WWOX: variants seen among roughly 807,000 people sequenced by gnomAD.
WWOX encodes WW domain-containing oxidoreductase.
In WWOX, 69 loss-of-function variants were observed where a neutral mutation model predicts 46.2. The observed-to-expected ratio is 1.49, with a 90% confidence interval of 1.23 to 1.82. The LOEUF (loss-of-function observed/expected upper bound fraction) is 1.82. Ranked by LOEUF, WWOX falls within the 40% of genes most tolerant of loss-of-function variation. WWOX has a pLI of 0.00. For synonymous variants in WWOX, 359 were observed against 202.6 expected, an observed-to-expected ratio of 1.77 and a Z score of -6.56; for missense variants, 919 against 542.6, an observed-to-expected ratio of 1.69 and a Z score of -6.89.
rs1355117855 is a variant in WWOX at position 78,717,567 on chromosome 16, A to G, written c.1056+284815A>G. On this transcript the variant is annotated intron_variant, in intron 8 of 8. Coordinates refer to ENST00000566780, the MANE Select transcript of WWOX (RefSeq NM_016373.4). Reference sequence around the variant, plus strand: ...TGCTCTCTTTGATGGTGGACAAAGAAGGTTTCCTGGTGGAAGAGATTAATG... The same window carrying G: ...TGCTCTCTTTGATGGTGGACAAAGAGGGTTTCCTGGTGGAAGAGATTAATG... Among the ~76,000 whole-genome samples the G allele has an allele frequency of 2.6e-5, 4 of 152,182 alleles. No homozygotes were observed. In the East Asian group the frequency reaches 7.7e-4, roughly 29 times the overall value.
chr16:79,005,438 A>G (rs547852767), intron 8 of WWOX, among the ~76,000 whole-genome samples: 1 of 152,342 alleles, frequency 6.6e-6, no homozygotes. Context: ...TTCAGTCAGC[A>G]GAACTGTATT....
intron 8 of WWOX, among the ~76,000 whole-genome samples, chr16:79,059,617 C>G (rs921908973): frequency 5.9e-5 from 9 of 152,144 alleles, no homozygotes; most frequent in African/African-American, 2.2e-4. Flanking sequence ...CAGCCTGCCT[C>G]CCAAGTAGCT....
intron 8 of WWOX, among the ~76,000 whole-genome samples, chr16:78,717,213 T>A (rs942866356): frequency 6.6e-6 from 1 of 152,200 alleles, no homozygotes; most frequent in Non-Finnish European, 1.5e-5. Context: ...GTGTGTTTTT[T>A]AAATTTAATT....
intron 8 of WWOX, among the ~76,000 whole-genome samples, chr16:78,767,234 C>T (rs1199675195): frequency 2.0e-5 from 3 of 152,108 alleles, no homozygotes; most frequent in Non-Finnish European, 2.9e-5. Context: ...GATCCTCCCA[C>T]CTCAGCCTCC....
chr16:79,082,467 T>C (rs1177314780), intron 8 of WWOX, among the ~76,000 whole-genome samples: 1 of 152,208 alleles, frequency 6.6e-6, no homozygotes, highest in African/African-American at 2.4e-5. Context: ...GAATGGCTAC[T>C]TCTCTGGCCA....
At chr16:78,732,512 T>C (rs1045425784) in intron 8 of WWOX, among the ~76,000 whole-genome samples, 1 of 152,166 alleles carries the variant, frequency 6.6e-6, no homozygotes. Context: ...CATATTCAAA[T>C]TGCTGACCCA....
At chr16:78,952,673 C>T (rs1397113575) in intron 8 of WWOX, among the ~76,000 whole-genome samples, 2 of 152,238 alleles carry the variant, frequency 1.3e-5, no homozygotes, top group East Asian at 1.9e-4. Context: ...TATGAGCCAC[C>T]ACACCTGGCC....
intron 8 of WWOX, among the ~76,000 whole-genome samples, chr16:79,081,448 GC>G (rs2048758919): frequency 6.6e-6 from 1 of 152,194 alleles, no homozygotes; most frequent in African/African-American, 2.4e-5. Flanking sequence ...ACAGGCATGA[GC>G]CTAACTATCC....
chr16:78,354,175 AC>A (rs1256695322), intron 5 of WWOX, among the ~76,000 whole-genome samples: 35 of 152,142 alleles, frequency 2.3e-4, no homozygotes, highest in African/African-American at 7.9e-4. Flanking sequence ...TTTATCAGTT[AC>A]CTTCTGTTTG....
rs553079370 is a variant in WWOX, at chr16:78,570,370, G to A, written c.1056+137618G>A. Among the ~76,000 whole-genome samples the A allele has an allele frequency of 6.6e-5, 10 of 152,258 alleles. 1 individual carries two copies. In the South Asian group the frequency reaches 1.9e-3, roughly 28 times the overall value. On this transcript the variant is annotated intron_variant, in intron 8 of 8. Transcript: ENST00000566780. ...GAGACAGGATCTGGAGTGTGGTGGTGCAATCATAACTCACTGCAGCCTCGG... is the reference window on the plus strand; with the variant it reads ...GAGACAGGATCTGGAGTGTGGTGGTACAATCATAACTCACTGCAGCCTCGG...
intron 8 of WWOX, among the ~76,000 whole-genome samples, chr16:78,673,538 A>G (rs1312616635): frequency 6.6e-6 from 1 of 152,178 alleles, no homozygotes; most frequent in African/African-American, 2.4e-5. Context: ...CTTGATTGGA[A>G]AGAGAAGCTT....
chr16:78,225,256 G>T (rs1284074888), intron 5 of WWOX, among the ~76,000 whole-genome samples: 1 of 152,112 alleles, frequency 6.6e-6, no homozygotes, highest in Admixed American at 6.5e-5. Flanking sequence ...ACATATTTGT[G>T]CATCTAAACA....
At chr16:78,280,760 C>T (rs561486017) in intron 5 of WWOX, 1 of 152,276 alleles carries the variant, frequency 6.6e-6, no homozygotes, top group East Asian at 1.9e-4. Flanking sequence ...TAAACATGCT[C>T]TTTGAAGCTG....
intron 6 of WWOX, among the ~76,000 whole-genome samples, chr16:78,398,101 A>G (rs968080202): frequency 2.6e-5 from 4 of 152,202 alleles, no homozygotes; most frequent in Admixed American, 2.0e-4. Flanking sequence ...AGACAGAAGA[A>G]GACCAAGGGG....
chr16:79,195,989 G>A (rs893886862), intron 8 of WWOX, among the ~76,000 whole-genome samples: 6 of 152,198 alleles, frequency 3.9e-5, no homozygotes, highest in Non-Finnish European at 8.8e-5. Flanking sequence ...TCTTCTGTTA[G>A]TGGGGACAAT....
chr16:78,363,396 C>G (rs535744646), intron 5 of WWOX, among the ~76,000 whole-genome samples: 2 of 151,764 alleles, frequency 1.3e-5, no homozygotes, highest in African/African-American at 4.8e-5. Context: ...TTCTCAGACC[C>G]CAAAGTAGCT....
chr16:78,102,654 G>A (rs1417955021), intron 1 of WWOX, among the ~76,000 whole-genome samples: 1 of 152,166 alleles, frequency 6.6e-6, no homozygotes, highest in Admixed American at 6.5e-5. Flanking sequence ...TTAACTGTGG[G>A]TGTCCCCTCG....
In WWOX at chr16:78,442,269, G is replaced by A. The variant is rs1447552545; in HGVS notation, c.1056+9517G>A. Among the ~76,000 whole-genome samples the A allele has an allele frequency of 3.9e-5, 6 of 152,200 alleles. 1 individual carries two copies. Among genetic ancestry groups the A allele is most frequent in the African/African-American group, 1.4e-4 (6 of 41,512 alleles). ...AACTTACATAGCTATCATTTTTTGTGTGTGGCAAGAACATTGAAAGTCTAG... is the reference window on the plus strand; with the variant it reads ...AACTTACATAGCTATCATTTTTTGTATGTGGCAAGAACATTGAAAGTCTAG... On this transcript the variant is annotated intron_variant, in intron 8 of 8. Coordinates refer to ENST00000566780, the MANE Select transcript of WWOX (RefSeq NM_016373.4).
At chr16:78,577,321 T>C (rs1246498646) in intron 8 of WWOX, among the ~76,000 whole-genome samples, 1 of 152,216 alleles carries the variant, frequency 6.6e-6, no homozygotes, top group Admixed American at 6.5e-5. Flanking sequence ...GGCAAATATA[T>C]GTTTAAAACC....
Sources: gnomAD v4.1 joint callset for allele counts (sites outside exome capture counted in the v4.1 genomes callset) on GRCh38, gnomAD v4.1.1 for gene constraint, MANE v1.5 for transcripts, NCBI Gene and HGNC (gene_info 2026-07-23, HGNC 2026-07-21) for gene names.